SPAG7: variants seen among roughly 807,000 people sequenced by gnomAD.
The protein encoded by SPAG7 is sperm-associated antigen 7.
In SPAG7, 20 loss-of-function variants were observed where a neutral mutation model predicts 30.6. The ratio of observed to expected loss-of-function variants is 0.65; its 90% CI spans 0.46 to 0.95. The LOEUF (loss-of-function observed/expected upper bound fraction) is 0.95. SPAG7 is among the 40% of genes least tolerant of loss of function. The pLI, the probability that SPAG7 is intolerant of heterozygous loss-of-function variation, is 0.00. For missense variants in SPAG7, 276 were observed against 291.1 expected, an observed-to-expected ratio of 0.95 and a Z score of 0.38; for synonymous variants, 127 against 104.2, an observed-to-expected ratio of 1.22 and a Z score of -1.33.
At chr17:4,966,975 C>A in intron 1 of SPAG7, 1 of 984,928 alleles carries the variant, frequency 1.0e-6, no homozygotes, top group Non-Finnish European at 1.2e-6. Context: ...ACACGAGCAG[C>A]CCCGGGGAGG....
In SPAG7 at chr17:4,960,909, T is replaced by G. The variant is rs916727263; in HGVS notation, c.86-56A>C. 3.3e-6 allele frequency: 5 copies of G among 1,510,038 alleles called. No individual in the cohort carries two copies. The African/African-American group carries it at 6.9e-5, about 21-fold the overall frequency. 93.5% of individuals were successfully genotyped at this position (1,510,038 alleles called of 1,614,324 possible). On this transcript the variant is annotated intron_variant, in intron 1 of 6. Transcript: ENST00000206020. ...GGGCTGGAAGCATGGGTGGGAAAGG[T>G]TTCTAAGGCTTCAAGTGAAGTGTGG...
rs760811450 is a variant in SPAG7, at chr17:4,959,493, C to G, written c.*41G>C. Reference sequence around the variant, plus strand: ...GCAGCAGCCTTGTCTCTCCCTGCCCCCTGCCCTGCCCCAGGGGTCAAAGGG... The same window carrying G: ...GCAGCAGCCTTGTCTCTCCCTGCCCGCTGCCCTGCCCCAGGGGTCAAAGGG... On this transcript the variant is annotated 3_prime_UTR_variant, in exon 7 of 7. Transcript: ENST00000206020. 3 of 1,542,884 alleles carry G rather than the reference C, an allele frequency of 1.9e-6. No individual in the cohort carries two copies. The highest frequency in any genetic ancestry group is 1.8e-6 in the Non-Finnish European group (2 of 1,121,896).
chr17:4,959,850 C>T lies in SPAG7; in HGVS notation c.484G>A (p.Asp162Asn), dbSNP rs768690755. ...AGGTGGCTGTACTTGTCCTTGTAGTCGCTGGCAGGGCTCACCACCACAGGC... is the reference window on the plus strand; with the variant it reads ...AGGTGGCTGTACTTGTCCTTGTAGTTGCTGGCAGGGCTCACCACCACAGGC... The part of the protein sequence containing the change: ...QGPVVVSPAS[D>N]YKDKYSHLIG... Residue 162 changes from aspartate to asparagine, a missense_variant, in exon 6 of 7, where the codon GAC (aspartate) becomes AAC (asparagine). Transcript: ENST00000206020. The T allele has an allele frequency of 4.3e-6, 7 of 1,613,932 alleles. No homozygotes were observed. The highest frequency in any genetic ancestry group is 2.7e-5 in the African/African-American group (2 of 74,928).
chr17:4,961,645 G>C lies in SPAG7; in HGVS notation c.86-792C>G, dbSNP rs1218472616. Among the ~76,000 whole-genome samples, 3 of 137,756 alleles carry C rather than the reference G, an allele frequency of 2.2e-5. No individual in the cohort carries two copies. In the East Asian group the frequency reaches 6.8e-4, roughly 31 times the overall value. 90.4% of individuals were successfully genotyped at this position (137,756 alleles called of 152,430 possible). A position where few individuals can be genotyped will look rare whatever the true frequency, so the allele number is the denominator to read the frequency against. ...CTGGGTGTGGTGGTGGGCGCCTGTA[G>C]TCCCCACTACTCGGGAGGCTGAGGC... On this transcript the variant is annotated intron_variant, in intron 1 of 6. Transcript: ENST00000206020.
chr17:4,964,139 T>TA (rs2151148572), intron 1 of SPAG7, among the ~76,000 whole-genome samples: 1 of 152,004 alleles, frequency 6.6e-6, no homozygotes, highest in African/African-American at 2.4e-5. Flanking sequence ...CTAAGGGTCT[T>TA]ATTTAACTTT....
In SPAG7 at chr17:4,967,680, A is replaced by G. The variant is rs1390953523; in HGVS notation, c.85+40T>C. The G allele has an allele frequency of 3.3e-6, 5 of 1,494,298 alleles. No homozygotes were observed. In the African/African-American group the frequency reaches 4.1e-5, roughly 12 times the overall value. 92.6% of individuals were successfully genotyped at this position (1,494,298 alleles called of 1,614,324 possible). The stretch of plus-strand genomic sequence containing the variant: ...AAGAGGGAGAAGTATGGTCCCGAGA[A>G]CCGGGCGAAGGAAGGCGGTTGTGAA... On this transcript the variant is annotated intron_variant, in intron 1 of 6. Coordinates refer to ENST00000206020, the MANE Select transcript of SPAG7 (RefSeq NM_004890.3).
intron 1 of SPAG7, chr17:4,967,025 C>G: frequency 1.0e-6 from 1 of 985,752 alleles, no homozygotes; most frequent in Middle Eastern, 5.2e-4. Context: ...CGCCGGCCGC[C>G]GAACTCCAGC....
chr17:4,960,740 G>C, intron 2 of SPAG7, 46 bp downstream of exon 2: 1 of 1,572,542 alleles, frequency 6.4e-7, no homozygotes, highest in African/African-American at 1.3e-5. Flanking sequence ...TTAACTTATT[G>C]GAAGTCCTTC....
intron 4 of SPAG7, 55 bp downstream of exon 4, chr17:4,960,178 AG>A (rs747647823): frequency 3.8e-6 from 6 of 1,598,092 alleles, no homozygotes; most frequent in South Asian, 3.3e-5. Context: ...TTGGTCGGGG[AG>A]GGGGGATAAG....
At chr17:4,960,207 A>G (rs1971838961) in intron 4 of SPAG7, 27 bp downstream of exon 4, 2 of 1,609,410 alleles carry the variant, frequency 1.2e-6, no homozygotes, top group African/African-American at 2.7e-5. Flanking sequence ...AGGGGAGAGG[A>G]GAGAATGAGG....
Position 4,959,524 on chromosome 17 carries a change from G to A in SPAG7, c.*10C>T. On this transcript the variant is annotated 3_prime_UTR_variant, in exon 7 of 7. Coordinates refer to ENST00000206020, the MANE Select transcript of SPAG7 (RefSeq NM_004890.3). ...CTGCCCCAGGGGTCAAAGGGAGCTG[G>A]GCGGGGCGCCTAGGAGGTTGGCGGC... 6.2e-7 allele frequency: 1 copy of A among 1,609,372 alleles called. No homozygotes were observed. Among genetic ancestry groups the A allele is most frequent in the Non-Finnish European group, 8.5e-7 (1 of 1,178,106 alleles).
At chr17:4,966,651 C>A in intron 1 of SPAG7, 7 of 985,454 alleles carry the variant, frequency 7.1e-6, no homozygotes, top group Non-Finnish European at 7.2e-6. Flanking sequence ...CCTCAGGTGG[C>A]CGCTCTCACA....
In SPAG7 at chr17:4,959,547, G is replaced by C. The variant is rs761873889; in HGVS notation, c.671C>G (p.Pro224Arg). The part of the protein sequence containing the change: ...KRLRQSGEEL[P>R]PTS Reference sequence around the variant, plus strand: ...TGGGCGGGGCGCCTAGGAGGTTGGCGGCAACTCTTCCCCACTCTGCCGCAG... The same window carrying C: ...TGGGCGGGGCGCCTAGGAGGTTGGCCGCAACTCTTCCCCACTCTGCCGCAG... Residue 224 changes from proline to arginine, a missense_variant, in exon 7 of 7, where the codon CCG becomes CGG. By Grantham distance (103) the Pro-to-Arg change is moderately radical (BLOSUM62 -2). Coordinates refer to ENST00000206020, the MANE Select transcript of SPAG7 (RefSeq NM_004890.3). 1 of 1,613,164 alleles carries C rather than the reference G, an allele frequency of 6.2e-7. No homozygotes were observed. Among genetic ancestry groups the C allele is most frequent in the Non-Finnish European group, 8.5e-7 (1 of 1,179,800 alleles).
Position 4,960,338 on chromosome 17 carries a change from G to A in SPAG7, c.243-20C>T. The A allele has an allele frequency of 6.2e-7, 1 of 1,613,352 alleles. No individual in the cohort carries two copies. Among genetic ancestry groups the A allele is most frequent in the Non-Finnish European group, 8.5e-7 (1 of 1,179,254 alleles). Reference sequence around the variant, plus strand: ...TCATGTCTGGGATGGGATGGCAGAGGGGAAAGAGCATCTTGAGCCAGGAGC... The same window carrying A: ...TCATGTCTGGGATGGGATGGCAGAGAGGAAAGAGCATCTTGAGCCAGGAGC... On this transcript the variant is annotated intron_variant, in intron 3 of 6. Transcript: ENST00000206020.
rs766162991 is a variant in SPAG7, at chr17:4,960,274, C to T, written c.287G>A (p.Gly96Glu). ...EVAGLTSFSF[G>E]EDDDCRYVMI... ...GACATAGCGACAGTCATCATCTTCCCCAAAGGAGAAGGATGTCAGGCCAGC... is the reference window on the plus strand; with the variant it reads ...GACATAGCGACAGTCATCATCTTCCTCAAAGGAGAAGGATGTCAGGCCAGC... The change falls in exon 4 of 7, where the codon GGG becomes GAG. Residue 96 changes from glycine to glutamate, a missense_variant. Transcript: ENST00000206020. 1.9e-6 allele frequency: 3 copies of T among 1,614,166 alleles called. No homozygotes were observed. Among genetic ancestry groups the T allele is most frequent in the Non-Finnish European group, 2.5e-6 (3 of 1,180,030 alleles).
At chr17:4,965,494 A>G (rs1192860414) in intron 1 of SPAG7, among the ~76,000 whole-genome samples, 1 of 152,092 alleles carries the variant, frequency 6.6e-6, no homozygotes, top group Non-Finnish European at 1.5e-5. Flanking sequence ...CAGCATAGAC[A>G]GAGAACTAAC....
At chr17:4,963,583 T>G (rs570076634) in intron 1 of SPAG7, among the ~76,000 whole-genome samples, 1 of 150,518 alleles carries the variant, frequency 6.6e-6, no homozygotes, top group South Asian at 2.1e-4. Context: ...CTCAGCCTCC[T>G]GAGTAGCTGG....
At chr17:4,961,883 G>A (rs557612278) in intron 1 of SPAG7, among the ~76,000 whole-genome samples, 1 of 151,794 alleles carries the variant, frequency 6.6e-6, no homozygotes, top group South Asian at 2.1e-4. Context: ...ATATCTTACT[G>A]TATATAACAG....
chr17:4,963,383 A>G (rs1971896181), intron 1 of SPAG7, among the ~76,000 whole-genome samples: 1 of 152,036 alleles, frequency 6.6e-6, no homozygotes, highest in Admixed American at 6.6e-5. Flanking sequence ...GCATCTGGGA[A>G]GGTGAGGAAA....
Sources: allele counts gnomAD v4.1 joint callset (sites outside exome capture counted in the v4.1 genomes callset), GRCh38; gene constraint gnomAD v4.1.1; transcripts MANE v1.5; gene names NCBI Gene and HGNC (gene_info 2026-07-23, HGNC 2026-07-21).